TMEM132B: variants seen among roughly 807,000 people sequenced by gnomAD.
TMEM132B encodes the protein transmembrane protein 132B.
In TMEM132B, 18 loss-of-function variants were observed where a neutral mutation model predicts 90.8. The observed-to-expected ratio is 0.20, with a 90% CI of 0.14 to 0.29. TMEM132B has a LOEUF of 0.29. TMEM132B is among the 10% of genes least tolerant of loss of function. The probability of loss-of-function intolerance (pLI) is 1.00; values close to 1 mark genes in which losing one functional copy is unlikely to be tolerated. For synonymous variants in TMEM132B, 504 were observed against 523.3 expected (o/e 0.96, Z 0.50); for missense variants, 1,096 against 1,326.8 (o/e 0.83, Z 2.70).
At chr12:125,344,497 G>A (rs904281723) in intron 1 of TMEM132B, among the ~76,000 whole-genome samples, 1 of 152,124 alleles carries the variant, frequency 6.6e-6, no homozygotes, top group Non-Finnish European at 1.5e-5. Flanking sequence ...CAGGAAACTG[G>A]GACCATGGTG....
At chr12:125,314,099 A>T (rs896228733) in intron 1 of TMEM132B, among the ~76,000 whole-genome samples, 3 of 152,144 alleles carry the variant, frequency 2.0e-5, no homozygotes, top group Admixed American at 6.5e-5. Context: ...GAACTCATGT[A>T]TACCTGTGTG....
chr12:125,527,267 T>C (rs1369167287), intron 4 of TMEM132B, among the ~76,000 whole-genome samples: 18 of 63,516 alleles, frequency 2.8e-4, no homozygotes, highest in South Asian at 6.1e-4. Flanking sequence ...TCCACCCGTT[T>C]ACCCTTCTAT....
intron 1 of TMEM132B, among the ~76,000 whole-genome samples, chr12:125,281,766 C>T (rs992287070): frequency 2.6e-5 from 4 of 152,006 alleles, no homozygotes; most frequent in Admixed American, 1.3e-4. Flanking sequence ...CGGTGGCTCA[C>T]GCCTGTAATC....
intron 5 of TMEM132B, among the ~76,000 whole-genome samples, chr12:125,616,930 A>G (rs1211343155): frequency 2.6e-5 from 4 of 152,330 alleles, no homozygotes; most frequent in Non-Finnish European, 2.9e-5. Flanking sequence ...ACAGTGAGAA[A>G]GCTGCTGTCT....
At chr12:125,541,919 G>T (rs1234746927) in intron 4 of TMEM132B, among the ~76,000 whole-genome samples, 1 of 151,482 alleles carries the variant, frequency 6.6e-6, no homozygotes, top group Non-Finnish European at 1.5e-5. Context: ...CAGCTACTTG[G>T]GAGGCTGAGG....
At chr12:125,402,548 G>A (rs1211345855) in intron 2 of TMEM132B, among the ~76,000 whole-genome samples, 4 of 152,324 alleles carry the variant, frequency 2.6e-5, no homozygotes, top group Admixed American at 2.6e-4. Context: ...GCATGCATTT[G>A]TCCATCCTCT....
intron 5 of TMEM132B, among the ~76,000 whole-genome samples, chr12:125,616,136 T>C (rs1189271138): frequency 7.7e-6 from 1 of 130,562 alleles, no homozygotes; most frequent in Non-Finnish European, 1.6e-5. Context: ...CCCCTTCCTG[T>C]GTCCACGTGT....
chr12:125,351,751 A>G (rs556401135), intron 2 of TMEM132B, among the ~76,000 whole-genome samples: 3 of 152,336 alleles, frequency 2.0e-5, no homozygotes, highest in African/African-American at 7.2e-5. Context: ...AAAACCCCTG[A>G]GAAGAGGGCA....
intron 3 of TMEM132B, among the ~76,000 whole-genome samples, chr12:125,429,673 C>A (rs112811349): frequency 0.012 from 1,795 of 152,190 alleles, 34 homozygotes; most frequent in African/African-American, 0.04. Context: ...CTTTATTGAA[C>A]CTTGTCCGAT....
At position 125,281,824 on chromosome 12, in the gene TMEM132B, C is replaced by T. The variant is rs201484662; in HGVS notation, c.68-67628C>T. Among the ~76,000 whole-genome samples, 3 of 151,826 alleles carry T rather than the reference C, an allele frequency of 2.0e-5. No homozygotes were observed. In the South Asian group the frequency reaches 6.2e-4, roughly 32 times the overall value. Reference sequence around the variant, plus strand: ...TGGGCGGATCACGAGGTCAGGAGATCGAGACCATTCTGGCTAACACGGTGA... The same window carrying T: ...TGGGCGGATCACGAGGTCAGGAGATTGAGACCATTCTGGCTAACACGGTGA... On this transcript the variant is annotated intron_variant, in intron 1 of 8. Coordinates refer to ENST00000682704, the MANE Select transcript of TMEM132B (RefSeq NM_001366854.1).
intron 4 of TMEM132B, among the ~76,000 whole-genome samples, chr12:125,555,869 G>A (rs779912416): frequency 5.3e-5 from 8 of 152,144 alleles, no homozygotes; most frequent in African/African-American, 1.4e-4. Context: ...AAATACGTAC[G>A]TGTATTTTGG....
intron 4 of TMEM132B, among the ~76,000 whole-genome samples, chr12:125,565,350 C>T (rs1204955082): frequency 1.3e-5 from 2 of 152,346 alleles, no homozygotes; most frequent in Non-Finnish European, 2.9e-5. Context: ...GGAGCTGGGG[C>T]AAGTGCCTCT....
At chr12:125,359,480 G>A (rs1877892682) in intron 2 of TMEM132B, among the ~76,000 whole-genome samples, 1 of 151,724 alleles carries the variant, frequency 6.6e-6, no homozygotes, top group Non-Finnish European at 1.5e-5. Context: ...GATCATATTA[G>A]TAAAAAAAAA....
intron 3 of TMEM132B, among the ~76,000 whole-genome samples, chr12:125,504,431 G>A (rs1290747514): frequency 6.6e-6 from 1 of 151,968 alleles, no homozygotes; most frequent in African/African-American, 2.4e-5. Flanking sequence ...TGACTCAGAG[G>A]TGCCATGTGT....
intron 2 of TMEM132B, among the ~76,000 whole-genome samples, chr12:125,400,855 C>T (rs77801169): frequency 0.072 from 10,887 of 152,200 alleles, 579 homozygotes; most frequent in South Asian, 0.18. Context: ...TGACTCCGCT[C>T]GACAGAATGT....
chr12:125,289,621 G>T (rs1377832251), intron 1 of TMEM132B, among the ~76,000 whole-genome samples: 1 of 152,222 alleles, frequency 6.6e-6, no homozygotes, highest in African/African-American at 2.4e-5. Context: ...CCACATGCTG[G>T]GCTGGTTCTA....
rs1881390341 is a variant in TMEM132B, at chr12:125,459,865, A to G, written c.1106+44188A>G. Among the ~76,000 whole-genome samples the G allele has an allele frequency of 6.6e-6, 1 of 152,162 alleles. No homozygotes were observed. Among genetic ancestry groups the G allele is most frequent in the African/African-American group, 2.4e-5 (1 of 41,434 alleles). ...CCCCATACTGTTTTCACGGTAGTGG[A>G]TAAGTCTCATGAGATCTGATGATTT... On this transcript the variant is annotated intron_variant, in intron 3 of 8. Transcript: ENST00000682704. This position sits in a 1 kb window ranked among gnomAD's most constrained non-coding sequence, Gnocchi z 4.1.
chr12:125,454,698 A>G (rs7312121), intron 3 of TMEM132B, among the ~76,000 whole-genome samples: 5,106 of 152,326 alleles, frequency 0.034, 166 homozygotes, highest in Admixed American at 0.1. Context: ...ATTCTGGATG[A>G]TCCTGTTAGG....
chr12:125,269,418 T>G (rs1164493782), intron 1 of TMEM132B, among the ~76,000 whole-genome samples: 1 of 152,188 alleles, frequency 6.6e-6, no homozygotes, highest in Non-Finnish European at 1.5e-5. Context: ...GCTGTTTAAA[T>G]GACATTTTTC....
Sources: allele counts gnomAD v4.1 joint callset (sites outside exome capture counted in the v4.1 genomes callset), GRCh38; gene constraint gnomAD v4.1.1; non-coding constraint Gnocchi (gnomAD v3.1); transcripts MANE v1.5; gene names NCBI Gene and HGNC (gene_info 2026-07-23, HGNC 2026-07-21).